Variants in CNBD1 observed in about 807,000 individuals in gnomAD.
The protein encoded by CNBD1 is cyclic nucleotide binding domain containing 1.
Under a neutral mutation model 54.4 loss-of-function variants are expected in CNBD1, and 71 were observed. The observed-to-expected ratio is 1.30, with a 90% confidence interval of 1.08 to 1.59. CNBD1 has a LOEUF of 1.59. Ranked by LOEUF, CNBD1 falls within the 40% of genes most tolerant of loss-of-function variation. The pLI, the probability that CNBD1 is intolerant of heterozygous loss-of-function variation, is 0.00. For synonymous variants in CNBD1, 182 were observed against 170.7 expected, an observed-to-expected ratio of 1.07 and a Z score of -0.51; for missense variants, 659 against 518.0, an observed-to-expected ratio of 1.27 and a Z score of -2.64.
chr8:87,281,298 C>G (rs1784814603), intron 6 of CNBD1, among the ~76,000 whole-genome samples: 3 of 150,792 alleles, frequency 2.0e-5, no homozygotes, highest in Non-Finnish European at 1.5e-5. Context: ...GAAACAAATA[C>G]AAGGAGGTTG....
At chr8:87,317,836 C>T (rs533115168) in intron 8 of CNBD1, among the ~76,000 whole-genome samples, 2 of 151,748 alleles carry the variant, frequency 1.3e-5, no homozygotes, top group East Asian at 1.9e-4. Flanking sequence ...AGATTAGGCT[C>T]ACTGAATTTG....
intron 6 of CNBD1, among the ~76,000 whole-genome samples, chr8:87,275,987 A>C (rs1305586136): frequency 6.6e-6 from 1 of 151,972 alleles, no homozygotes; most frequent in Non-Finnish European, 1.5e-5. Flanking sequence ...AAAGAGAATA[A>C]AAAACCTAGG....
At position 86,943,716 on chromosome 8, in the gene CNBD1, A is replaced by G. The variant is rs77015867; in HGVS notation, c.431+3962A>G. Among the ~76,000 whole-genome samples the G allele has an allele frequency of 4.4e-3, 663 of 152,224 alleles. 10 individuals carry two copies. Among genetic ancestry groups the G allele is most frequent in the African/African-American group, 0.015 (643 of 41,536 alleles). ...TTTAAAATTTTGTTTTTTAAGGCAT[A>G]TCAGATTGAATATAAGCTTATCATG... is the stretch of plus-strand genomic sequence containing the variant. On this transcript the variant is annotated intron_variant, in intron 4 of 10. Transcript: ENST00000518476.
In CNBD1 at chr8:86,874,628, A is replaced by G. The variant is rs1808488431; in HGVS notation, c.88+8045A>G. Reference sequence around the variant, plus strand: ...GACCGTTCTTTATTTGGGTTAAAAAATAAAAATTAAATATAGGAACTCTGG... The same window carrying G: ...GACCGTTCTTTATTTGGGTTAAAAAGTAAAAATTAAATATAGGAACTCTGG... On this transcript the variant is annotated intron_variant, in intron 1 of 10. Coordinates refer to ENST00000518476, the MANE Select transcript of CNBD1 (RefSeq NM_173538.3). Among the ~76,000 whole-genome samples the G allele has an allele frequency of 2.6e-5, 4 of 152,282 alleles. 1 individual carries two copies. The South Asian group carries it at 8.3e-4, about 32-fold the overall frequency.
At chr8:86,940,554 C>T (rs573312524) in intron 4 of CNBD1, among the ~76,000 whole-genome samples, 3 of 152,040 alleles carry the variant, frequency 2.0e-5, no homozygotes, top group African/African-American at 7.2e-5. Flanking sequence ...AAGATTAAAT[C>T]TGAGTGTAGG....
chr8:87,370,967 C>T (rs950942320), intron 10 of CNBD1, among the ~76,000 whole-genome samples: 4 of 150,794 alleles, frequency 2.7e-5, no homozygotes, highest in African/African-American at 9.8e-5. Context: ...TTTCCCAGCA[C>T]CATTTATTAA....
At chr8:87,194,499 T>G (rs1014613834) in intron 4 of CNBD1, among the ~76,000 whole-genome samples, 1 of 152,232 alleles carries the variant, frequency 6.6e-6, no homozygotes, top group South Asian at 2.1e-4. Flanking sequence ...TAATAATATG[T>G]CACCAGTATT....
At chr8:87,408,554 C>T (rs899588665) in intron 2 of CNBD1, among the ~76,000 whole-genome samples, 1 of 151,886 alleles carries the variant, frequency 6.6e-6, no homozygotes, top group Non-Finnish European at 1.5e-5. Context: ...TTCTTTTCGT[C>T]TCTCAGTATT....
intron 4 of CNBD1, among the ~76,000 whole-genome samples, chr8:87,120,772 TTAAAG>T (rs1252408721): frequency 2.6e-5 from 4 of 151,966 alleles, no homozygotes; most frequent in African/African-American, 9.7e-5. Context: ...TTTCATTTGT[TTAAAG>T]TAATTTCTTA....
intron 4 of CNBD1, among the ~76,000 whole-genome samples, chr8:86,970,756 C>A (rs770297182): frequency 6.6e-6 from 1 of 152,180 alleles, no homozygotes; most frequent in Non-Finnish European, 1.5e-5. Flanking sequence ...TGACCTCCAG[C>A]TGCATCCATG....
intron 4 of CNBD1, among the ~76,000 whole-genome samples, chr8:87,141,550 C>T (rs1812370117): frequency 6.6e-6 from 1 of 151,922 alleles, no homozygotes. Context: ...TTAATATTTT[C>T]TGGGTTTAGG....
chr8:86,887,215 C>G (rs902481086), intron 1 of CNBD1, among the ~76,000 whole-genome samples: 1 of 152,074 alleles, frequency 6.6e-6, no homozygotes, highest in Admixed American at 6.6e-5. Flanking sequence ...GGAACCAGTT[C>G]ATCTTGTAAC....
chr8:87,224,027 G>T (rs1159285014), intron 5 of CNBD1, among the ~76,000 whole-genome samples: 1 of 151,800 alleles, frequency 6.6e-6, no homozygotes, highest in African/African-American at 2.4e-5. Context: ...TTTTTTGGCT[G>T]CATAAATGTC....
chr8:87,049,963 A>T (rs1019947527), intron 4 of CNBD1, among the ~76,000 whole-genome samples: 3 of 152,224 alleles, frequency 2.0e-5, no homozygotes, highest in Admixed American at 2.0e-4. Flanking sequence ...GGCCTGAGTT[A>T]AAACTCCCAA....
At chr8:87,276,224 T>C (rs935316544) in intron 6 of CNBD1, among the ~76,000 whole-genome samples, 1 of 151,870 alleles carries the variant, frequency 6.6e-6, no homozygotes, top group African/African-American at 2.4e-5. Context: ...ATGTAGAAAT[T>C]ATTTTTCCTT....
At chr8:87,388,086 T>A (rs754025060) in intron 2 of CNBD1, among the ~76,000 whole-genome samples, 1 of 152,074 alleles carries the variant, frequency 6.6e-6, no homozygotes, top group Non-Finnish European at 1.5e-5. Context: ...CACCAGAATC[T>A]CTGGGACACA....
At position 87,375,003 on chromosome 8, in the gene CNBD1, A is replaced by G. The variant is rs1018820492; in HGVS notation, c.1304-7617A>G. ...CAAGTAATAATTTCTGGATTAGAAC[A>G]TAAAATAAATATGCTTTTTGTGATT... On this transcript the variant is annotated intron_variant, in intron 10 of 10. Coordinates refer to ENST00000518476, the MANE Select transcript of CNBD1 (RefSeq NM_173538.3). Among the ~76,000 whole-genome samples, 62 of 150,372 alleles carry G rather than the reference A, an allele frequency of 4.1e-4. 1 individual carries two copies. The highest frequency in any genetic ancestry group is 1.5e-5 in the Non-Finnish European group (1 of 67,934).
chr8:87,040,187 T>G (rs1044177343), intron 4 of CNBD1, among the ~76,000 whole-genome samples: 1 of 151,956 alleles, frequency 6.6e-6, no homozygotes, highest in African/African-American at 2.4e-5. Context: ...GGAAGGGGGG[T>G]TTTTTGAGAC....
At chr8:87,403,276 G>C in intron 2 of CNBD1, among the ~76,000 whole-genome samples, 1 of 152,032 alleles carries the variant, frequency 6.6e-6, no homozygotes, top group East Asian at 1.9e-4. Context: ...TGCATCAGCA[G>C]TTAGTTTCAT....
Sources: allele counts gnomAD v4.1 joint callset (sites outside exome capture counted in the v4.1 genomes callset), GRCh38; gene constraint gnomAD v4.1.1; transcripts MANE v1.5; gene names NCBI Gene and HGNC (gene_info 2026-07-23, HGNC 2026-07-21).